ZDHHC11: variants seen among roughly 807,000 people sequenced by gnomAD.
ZDHHC11 encodes the protein zDHHC palmitoyltransferase 11.
ZDHHC11 carries 44 observed loss-of-function variants against 51.3 expected under a neutral mutation model. The observed-to-expected ratio is 0.86, with a 90% CI of 0.67 to 1.10. The LOEUF (loss-of-function observed/expected upper bound fraction) is 1.10, where lower values mean the gene tolerates loss of function less well. ZDHHC11 is among the 50% of genes least tolerant of loss of function. The pLI is 0.00. For missense variants in ZDHHC11, 400 were observed against 537.7 expected (o/e 0.74, Z 2.53); for synonymous variants, 163 against 222.0 (o/e 0.73, Z 2.36).
intron 11 of ZDHHC11, among the ~76,000 whole-genome samples, chr5:813,135 G>A (rs561754528): frequency 1.4e-5 from 2 of 144,500 alleles, no homozygotes; most frequent in East Asian, 2.1e-4. Flanking sequence ...TCAGGAGTTC[G>A]AGACCAGTGT....
upstream of ZDHHC11, among the ~76,000 whole-genome samples, chr5:852,268 A>C (rs190868066): frequency 6.6e-6 from 1 of 152,352 alleles, no homozygotes; most frequent in Admixed American, 6.5e-5. Flanking sequence ...AGAGGAGAAG[A>C]GGGGAATCGC....
chr5:808,204 G>A (rs865812404), intron 11 of ZDHHC11, among the ~76,000 whole-genome samples: 1,709 of 146,576 alleles, frequency 0.012, no homozygotes, highest in African/African-American at 0.044. Flanking sequence ...GTCAAGTTGC[G>A]CAGCCTCCCC....
chr5:806,541 T>C (rs370073), intron 11 of ZDHHC11, among the ~76,000 whole-genome samples: 10 of 151,344 alleles, frequency 6.6e-5, no homozygotes, highest in African/African-American at 1.7e-4. Flanking sequence ...CATGACTATA[T>C]TGTAATGCAT....
chr5:841,046 GTGCCCACCCCTTCCTCACTAAGTGC>G (rs1744799617), intron 4 of ZDHHC11: 1 of 1,027,922 alleles, frequency 9.7e-7, no homozygotes. Flanking sequence ...CGGGGTCACA[GTGCCCACCCCTTCCTCACTAAGTGC>G]CGGGGTCACA....
At chr5:837,323 T>C in intron 6 of ZDHHC11, 42 bp downstream of exon 6, 2 of 1,611,758 alleles carry the variant, frequency 1.2e-6, no homozygotes, top group Non-Finnish European at 8.5e-7. Context: ...CCTTAGACAT[T>C]GTCCCAGGCC....
chr5:819,430 T>C lies in ZDHHC11; in HGVS notation c.1146+95A>G, dbSNP rs1319548022. The stretch of plus-strand genomic sequence containing the variant: ...CCCTTGGACACAGAGTGCTTCCCTT[T>C]TGAATACTACCTTAACCTCAGCTTG... On this transcript the variant is annotated intron_variant, in intron 10 of 12. Transcript: ENST00000283441. 1.7e-5 allele frequency: 24 copies of C among 1,373,038 alleles called. 2 individuals are homozygous for C. The highest frequency in any genetic ancestry group is 1.7e-5 in the Non-Finnish European group (16 of 968,998). The allele number at this position is 1,373,038 out of a possible 1,614,324, so 85.1% of individuals were successfully genotyped here. A position where few individuals can be genotyped will look rare whatever the true frequency, so the allele number is the denominator to read the frequency against.
chr5:805,967 A>C (rs1401480322), intron 11 of ZDHHC11, among the ~76,000 whole-genome samples: 1 of 151,188 alleles, frequency 6.6e-6, no homozygotes, highest in Non-Finnish European at 1.5e-5. Flanking sequence ...TGCTGACCCC[A>C]CACAGCAAGC....
intron 3 of ZDHHC11, among the ~76,000 whole-genome samples, 158 bp downstream of exon 3, chr5:847,356 C>T (rs1184675059): frequency 6.6e-5 from 10 of 151,762 alleles, no homozygotes; most frequent in African/African-American, 9.7e-5. Flanking sequence ...GACAGGAGGC[C>T]GGGGCACGCA....
chr5:802,318 G>A (rs1343943661), intron 11 of ZDHHC11, among the ~76,000 whole-genome samples: 2 of 151,340 alleles, frequency 1.3e-5, no homozygotes, highest in African/African-American at 4.9e-5. Context: ...ACAGGACTCA[G>A]TAAGCAAAGG....
At chr5:856,805 CACACACTTGCACT>C (rs1278280507) in intron 1 of ZDHHC11, among the ~76,000 whole-genome samples, 1 of 150,752 alleles carries the variant, frequency 6.6e-6, no homozygotes, top group Non-Finnish European at 1.5e-5. Context: ...ACACAGAGCA[CACACACTTGCACT>C]ACACACTGCA....
chr5:836,566 T>C (rs984375953), intron 6 of ZDHHC11, among the ~76,000 whole-genome samples: 4 of 149,868 alleles, frequency 2.7e-5, no homozygotes, highest in African/African-American at 7.4e-5. Context: ...GTAGGTTGTA[T>C]TGTATTTTTT....
rs368027769 is a variant in ZDHHC11 at position 840,508 on chromosome 5, G to C, written c.771C>G (p.Phe257Leu). The part of the protein sequence containing the change: ...GLVHLGQLLI[F>L]HIYLKAKKMT... Reference sequence around the variant, plus strand: ...TGGGGGACATACTCAGGTAGATGTGGAAGATGAGCAGCTGGCCCAGGTGCA... The same window carrying C: ...TGGGGGACATACTCAGGTAGATGTGCAAGATGAGCAGCTGGCCCAGGTGCA... The change falls in exon 5 of 13, where the codon TTC becomes TTG. Residue 257 changes from phenylalanine (F) to leucine (L), a missense_variant. By Grantham distance (22) the Phe-to-Leu change is conservative (BLOSUM62 0). Transcript: ENST00000283441. 4.7e-5 allele frequency: 76 copies of C among 1,613,720 alleles called. No individual in the cohort carries two copies. The highest frequency in any genetic ancestry group is 6.4e-5 in the Non-Finnish European group (75 of 1,179,872).
At chr5:836,392 C>T (rs1561273092) in intron 6 of ZDHHC11, among the ~76,000 whole-genome samples, 1 of 150,448 alleles carries the variant, frequency 6.6e-6, no homozygotes. Context: ...ATTCCTGCCC[C>T]GTGCTGCTCG....
intron 11 of ZDHHC11, among the ~76,000 whole-genome samples, chr5:814,349 G>A (rs1201868695): frequency 5.9e-5 from 9 of 151,262 alleles, no homozygotes; most frequent in African/African-American, 2.2e-4. Flanking sequence ...GGGTGAAAAA[G>A]TGGTGTGCAG....
At chr5:813,427 G>A (rs2150315243) in intron 11 of ZDHHC11, among the ~76,000 whole-genome samples, 1 of 142,980 alleles carries the variant, frequency 7.0e-6, no homozygotes, top group South Asian at 2.2e-4. Context: ...GTGAGGGGGA[G>A]ACCGGGAGGC....
chr5:812,851 A>G (rs1290028424), intron 11 of ZDHHC11, among the ~76,000 whole-genome samples: 10 of 151,092 alleles, frequency 6.6e-5, no homozygotes, highest in African/African-American at 2.4e-4. Context: ...GAATTTCCTG[A>G]CAAGAATAAA....
intron 7 of ZDHHC11, among the ~76,000 whole-genome samples, chr5:830,140 C>A (rs1293150783): frequency 7.8e-6 from 1 of 128,886 alleles, no homozygotes; most frequent in African/African-American, 3.0e-5. Context: ...CTAGCCAGAG[C>A]AATCAGAGAA....
At chr5:806,335 C>A (rs994564599) in intron 11 of ZDHHC11, among the ~76,000 whole-genome samples, 6 of 151,122 alleles carry the variant, frequency 4.0e-5, no homozygotes, top group Non-Finnish European at 7.4e-5. Context: ...GGAAACAATA[C>A]AAATCCATAG....
Position 828,388 on chromosome 5 carries a change from G to A in ZDHHC11, c.936-3137C>T, listed in dbSNP as rs1234546809. ...GGTGCCCCCCACCTCCCTCCTGGAC[G>A]GGGCGGCTGGCCGGGTGGAGGTGCC... On this transcript the variant is annotated intron_variant, in intron 7 of 12. Coordinates refer to ENST00000283441, the MANE Select transcript of ZDHHC11 (RefSeq NM_024786.3). Among the ~76,000 whole-genome samples, 20 of 149,332 alleles carry A rather than the reference G, an allele frequency of 1.3e-4. 1 individual carries two copies. Among genetic ancestry groups the A allele is most frequent in the African/African-American group, 3.5e-4 (14 of 40,440 alleles).
Sources: gnomAD v4.1 joint callset for allele counts (sites outside exome capture counted in the v4.1 genomes callset) on GRCh38, gnomAD v4.1.1 for gene constraint, MANE v1.5 for transcripts, NCBI Gene and HGNC (gene_info 2026-07-23, HGNC 2026-07-21) for gene names.